APP: variants seen among roughly 807,000 people sequenced by gnomAD.
APP encodes the protein amyloid beta precursor protein, also known as amyloid-beta precursor protein.
In APP, 31 loss-of-function variants were observed where a neutral mutation model predicts 101.4. The ratio of observed to expected loss-of-function variants is 0.31; its 90% CI spans 0.23 to 0.41. The LOEUF is 0.41. Ranked by LOEUF, APP falls within the 10% of genes least tolerant of loss-of-function variation. The pLI is 1.00. For synonymous variants in APP, 366 were observed against 364.4 expected (o/e 1.00, Z -0.05); for missense variants, 839 against 1,003.7 (o/e 0.84, Z 2.22).
chr21:26,096,829 A>C (rs1013397645), intron 2 of APP, among the ~76,000 whole-genome samples: 13 of 152,144 alleles, frequency 8.5e-5, no homozygotes, highest in South Asian at 2.1e-4. Flanking sequence ...AAAAGCCCCC[A>C]AAAAACCATG....
intron 6 of APP, among the ~76,000 whole-genome samples, chr21:26,016,161 G>C (rs1284134546): frequency 6.6e-6 from 1 of 152,218 alleles, no homozygotes; most frequent in South Asian, 2.1e-4. Flanking sequence ...CACCTGAGTA[G>C]CTGGGATTAT....
rs372202847 is a variant in APP, at chr21:25,918,439, CG to C, written c.1688-6478del. Among the ~76,000 whole-genome samples the C allele has an allele frequency of 4.0e-3, 602 of 151,924 alleles. 19 individuals are homozygous for C. Among genetic ancestry groups the C allele is most frequent in the Admixed American group, 0.037 (557 of 14,942 alleles). On this transcript the variant is annotated intron_variant, in intron 13 of 17. Transcript: ENST00000346798. The stretch of plus-strand genomic sequence containing the variant: ...CTCCCAGCGTGAGCGACGCAGAAGA[CG>C]GGTGATTTCCGCATTTCCATCTGAG...
chr21:26,094,922 T>C (rs960416145), intron 2 of APP, among the ~76,000 whole-genome samples: 1 of 152,126 alleles, frequency 6.6e-6, no homozygotes, highest in South Asian at 2.1e-4. Context: ...CTCAGCTCAC[T>C]GTAACCTCCA....
intron 1 of APP, among the ~76,000 whole-genome samples, chr21:26,141,519 A>G (rs12482753): frequency 0.051 from 7,786 of 152,296 alleles, 310 homozygotes; most frequent in South Asian, 0.096. Flanking sequence ...AGCTGATGCT[A>G]AAGGAGAAGA....
Position 25,982,406 on chromosome 21 carries a change from G to A in APP, c.1162C>T (p.His388Tyr). 1 of 1,613,746 alleles carries A rather than the reference G, an allele frequency of 6.2e-7. No homozygotes were observed. Among genetic ancestry groups the A allele is most frequent in the Non-Finnish European group, 8.5e-7 (1 of 1,179,818 alleles). ...TCTTTGGCTTTCTGGAAATGGGCAT[G>A]TTCATTCTCATCCCCAGGTGTCTCG... ...YLETPGDENE[H>Y]AHFQKAKERL... is the part of the protein sequence containing the mutation. Residue 388 changes from histidine (H) to tyrosine (Y), a missense_variant, in exon 9 of 18, where the codon CAT (histidine) becomes TAT (tyrosine). By Grantham distance (83) the His-to-Tyr change is moderately conservative. Transcript: ENST00000346798.
chr21:26,024,732 C>T (rs893899975), intron 5 of APP, among the ~76,000 whole-genome samples: 2 of 152,128 alleles, frequency 1.3e-5, no homozygotes, highest in Admixed American at 1.3e-4. Flanking sequence ...GAACACCTGA[C>T]TCTGATTACG....
chr21:26,075,548 T>C (rs931451213), intron 3 of APP, among the ~76,000 whole-genome samples: 2 of 152,168 alleles, frequency 1.3e-5, no homozygotes, highest in Non-Finnish European at 2.9e-5. Flanking sequence ...CCCAATCCAA[T>C]TGTATCATCT....
chr21:26,170,729 C>T lies in APP; in HGVS notation c.-109G>A, dbSNP rs1038600637. On this transcript the variant is annotated 5_prime_UTR_variant, in exon 1 of 18. Coordinates refer to ENST00000346798, the MANE Select transcript of APP (RefSeq NM_000484.4). ...CCGTCTCCCGGGGCCCCCGCGCACG[C>T]TCCTCCGCGTGCTCTCGCCTACCGC... 5.9e-6 allele frequency: 7 copies of T among 1,188,460 alleles called. No homozygotes were observed. The African/African-American group carries it at 6.4e-5, about 11-fold the overall frequency. The allele number at this position is 1,188,460 out of a possible 1,614,324, so 73.6% of individuals were successfully genotyped here. A position where few individuals can be genotyped will look rare whatever the true frequency, so the allele number is the denominator to read the frequency against.
At chr21:26,131,455 A>G (rs1011313462) in intron 1 of APP, among the ~76,000 whole-genome samples, 1 of 152,196 alleles carries the variant, frequency 6.6e-6, no homozygotes, top group Non-Finnish European at 1.5e-5. Context: ...TCAGTCACTC[A>G]TATATTTGTT....
chr21:25,964,780 A>C (rs1461199729), intron 11 of APP, among the ~76,000 whole-genome samples: 1 of 151,726 alleles, frequency 6.6e-6, no homozygotes, highest in Non-Finnish European at 1.5e-5. Context: ...TTGTATTTTT[A>C]GTAGAGACAG....
At chr21:25,940,603 T>C (rs918413034) in intron 13 of APP, among the ~76,000 whole-genome samples, 2 of 152,216 alleles carry the variant, frequency 1.3e-5, no homozygotes, top group African/African-American at 4.8e-5. Flanking sequence ...TTTCTATGAA[T>C]TGCAGCTGTT....
At chr21:25,952,616 T>C (rs569281532) in intron 13 of APP, among the ~76,000 whole-genome samples, 6 of 152,278 alleles carry the variant, frequency 3.9e-5, no homozygotes, top group Non-Finnish European at 8.8e-5. Flanking sequence ...CAACAATAAT[T>C]GCTGGGTGAG....
chr21:26,000,081 C>T lies in APP; in HGVS notation c.967G>A (p.Gly323Arg), dbSNP rs750513875. The change falls in exon 7 of 18, where the codon GGA becomes AGA. Residue 323 changes from glycine (G) to arginine (R), a missense_variant. Transcript: ENST00000346798. ...AAGTTGTTCCGGTTGCCGCCACATC[C>T]GCCGTAAAAGAATGGGGCACACTTC... ...EGKCAPFFYG[G>R]CGGNRNNFDT... 16 of 1,614,044 alleles carry T rather than the reference C, an allele frequency of 9.9e-6. No homozygotes were observed. Among genetic ancestry groups the T allele is most frequent in the Middle Eastern group, 1.6e-4 (1 of 6,084 alleles).
intron 3 of APP, among the ~76,000 whole-genome samples, chr21:26,083,428 AC>A (rs1296094550): frequency 6.6e-6 from 1 of 152,250 alleles, no homozygotes; most frequent in African/African-American, 2.4e-5. Context: ...AAGTCACAAA[AC>A]AGGAAACGAT....
At chr21:26,074,643 T>A (rs2061469461) in intron 3 of APP, among the ~76,000 whole-genome samples, 1 of 152,042 alleles carries the variant, frequency 6.6e-6, no homozygotes, top group Non-Finnish European at 1.5e-5. Context: ...CCTAGCTACT[T>A]GGGTGGCTGA....
At chr21:25,976,769 G>C (rs1004457831) in intron 9 of APP, among the ~76,000 whole-genome samples, 9 of 152,180 alleles carry the variant, frequency 5.9e-5, no homozygotes, top group Non-Finnish European at 1.2e-4. Flanking sequence ...GCATGTGTTG[G>C]AAACTTAATC....
intron 8 of APP, among the ~76,000 whole-genome samples, chr21:25,985,217 C>T (rs2042592991): frequency 6.6e-6 from 1 of 152,028 alleles, no homozygotes; most frequent in African/African-American, 2.4e-5. Flanking sequence ...ACTATATTAC[C>T]AACTTAATCC....
intron 1 of APP, among the ~76,000 whole-genome samples, chr21:26,164,893 GA>G (rs989579486): frequency 2.0e-5 from 3 of 147,902 alleles, no homozygotes; most frequent in African/African-American, 7.5e-5. Flanking sequence ...ATGTTATGTG[GA>G]AAAAAAGAAA....
chr21:26,032,196 A>G (rs35742342), intron 5 of APP, among the ~76,000 whole-genome samples: 3,211 of 152,234 alleles, frequency 0.021, 106 homozygotes, highest in African/African-American at 0.074. Flanking sequence ...ACTTTCTTGC[A>G]TTGGTAAGTA....
Sources: allele counts gnomAD v4.1 joint callset (sites outside exome capture counted in the v4.1 genomes callset), GRCh38; gene constraint gnomAD v4.1.1; transcripts MANE v1.5; gene names NCBI Gene and HGNC (gene_info 2026-07-23, HGNC 2026-07-21).